Variants in SLC29A3 observed in about 807,000 individuals in gnomAD.
SLC29A3 encodes solute carrier family 29 member 3, also known as equilibrative nucleoside transporter 3.
In SLC29A3, 18 loss-of-function variants were observed where a neutral mutation model predicts 25.4. That is an observed-to-expected ratio of 0.71 (90% confidence interval 0.49 to 1.05). The LOEUF is 1.05. SLC29A3 is among the 50% of genes least tolerant of loss of function. The pLI is 0.00. For synonymous variants in SLC29A3, 258 were observed against 267.1 expected, an observed-to-expected ratio of 0.97 and a Z score of 0.33; for missense variants, 586 against 609.0, an observed-to-expected ratio of 0.96 and a Z score of 0.40.
chr10:71,356,351 C>A, intron 5 of SLC29A3, 108 bp downstream of exon 5: 1 of 1,378,422 alleles, frequency 7.3e-7, no homozygotes, highest in Non-Finnish European at 9.9e-7. Flanking sequence ...GGTGCTATGG[C>A]TCAAAGCAGT....
chr10:71,328,585 G>C (rs991983421), intron 2 of SLC29A3, among the ~76,000 whole-genome samples: 4 of 152,136 alleles, frequency 2.6e-5, no homozygotes, highest in African/African-American at 9.7e-5. Flanking sequence ...CTATGCCCCT[G>C]GTACACCTGG....
Position 71,338,120 on chromosome 10 carries a change from A to G in SLC29A3, c.301-6089A>G, listed in dbSNP as rs1481884447. Among the ~76,000 whole-genome samples, 5 of 152,254 alleles carry G rather than the reference A, an allele frequency of 3.3e-5. No individual in the cohort carries two copies. In the East Asian group the frequency reaches 9.7e-4, roughly 29 times the overall value. On this transcript the variant is annotated intron_variant, in intron 2 of 5. Transcript: ENST00000373189. Reference sequence around the variant, plus strand: ...TCCACAGTCTGGGTGAGGAACCCCCATGCCCACCCTGGGCCAGTCTGGGTG... The same window carrying G: ...TCCACAGTCTGGGTGAGGAACCCCCGTGCCCACCCTGGGCCAGTCTGGGTG...
intron 4 of SLC29A3, among the ~76,000 whole-genome samples, chr10:71,376,446 A>G (rs971433600): frequency 6.6e-6 from 1 of 152,170 alleles, no homozygotes; most frequent in Non-Finnish European, 1.5e-5. Context: ...CTCATTCATT[A>G]TACCCATTCT....
intron 2 of SLC29A3, among the ~76,000 whole-genome samples, chr10:71,326,867 C>T (rs1030237904): frequency 2.6e-5 from 4 of 152,204 alleles, no homozygotes; most frequent in East Asian, 3.9e-4. Flanking sequence ...TGTCACCCCT[C>T]GATTCATGGG....
rs116891619 is a variant in SLC29A3, at chr10:71,354,797, A to C, written c.611-1284A>C. Among the ~76,000 whole-genome samples, 385 of 152,332 alleles carry C rather than the reference A, an allele frequency of 2.5e-3. 9 individuals carry two copies. The East Asian group carries it at 0.049, about 19-fold the overall frequency. ...TGGTGATGGTGTTGGCCTTGTTGTC[A>C]GTGCTTTTCCACTCATCGTCCTGTT... On this transcript the variant is annotated intron_variant, in intron 4 of 5. Coordinates refer to ENST00000373189, the MANE Select transcript of SLC29A3 (RefSeq NM_018344.6).
intron 2 of SLC29A3, among the ~76,000 whole-genome samples, chr10:71,342,096 G>C (rs1846424230): frequency 6.6e-6 from 1 of 152,160 alleles, no homozygotes; most frequent in African/African-American, 2.4e-5. Context: ...CTCAGGGGAG[G>C]GCATCGCACA....
chr10:71,330,452 G>C (rs534274096), intron 2 of SLC29A3, among the ~76,000 whole-genome samples: 8 of 152,340 alleles, frequency 5.3e-5, no homozygotes, highest in African/African-American at 1.9e-4. Flanking sequence ...TTTGGTAAAG[G>C]CTCCACAGCT....
intron 5 of SLC29A3, among the ~76,000 whole-genome samples, chr10:71,357,751 C>G (rs1191700035): frequency 1.3e-5 from 2 of 152,176 alleles, no homozygotes; most frequent in African/African-American, 4.8e-5. Context: ...TTCTTGCTGC[C>G]TGCTGCTTTT....
At chr10:71,377,517 C>T (rs1847262239) in intron 4 of SLC29A3, among the ~76,000 whole-genome samples, 1 of 152,210 alleles carries the variant, frequency 6.6e-6, no homozygotes, top group Non-Finnish European at 1.5e-5. Flanking sequence ...AGGCCGGGAG[C>T]CGGGCCGCAC....
At chr10:71,372,106 CT>C (rs1368913520) in intron 3 of SLC29A3, among the ~76,000 whole-genome samples, 1 of 152,150 alleles carries the variant, frequency 6.6e-6, no homozygotes, top group African/African-American at 2.4e-5. Context: ...CAAGAGGTGG[CT>C]TTAGGCGTGA....
chr10:71,366,730 T>G (rs1847173540), downstream of SLC29A3, among the ~76,000 whole-genome samples: 3 of 152,310 alleles, frequency 2.0e-5, no homozygotes, highest in South Asian at 6.2e-4. Context: ...AGTGTCACGC[T>G]TTTATAGAGA....
chr10:71,373,745 G>A (rs76060604), intron 3 of SLC29A3, among the ~76,000 whole-genome samples: 2,428 of 152,304 alleles, frequency 0.016, 38 homozygotes, highest in African/African-American at 0.046. Context: ...CTCTGGGTAC[G>A]TGGGACACTT....
rs369559464 is a variant in SLC29A3 at position 71,351,583 on chromosome 10, C to T, written c.405C>T (p.Val135=). The change falls in exon 4 of 6, where the codon GTC becomes GTT. Residue 135 remains valine (V), a synonymous_variant. Coordinates refer to ENST00000373189, the MANE Select transcript of SLC29A3 (RefSeq NM_018344.6). ...LVNRVAVHIR[V]LASLTVILAI... is the part of the protein sequence containing the mutation. The stretch of plus-strand genomic sequence containing the variant: ...CCAGGGTTGCAGTCCACATCCGTGT[C>T]CTGGCCTCACTGACGGTCATCCTGG... 5 of 1,614,268 alleles carry T rather than the reference C, an allele frequency of 3.1e-6. No individual in the cohort carries two copies. Among genetic ancestry groups the T allele is most frequent in the Non-Finnish European group, 3.4e-6 (4 of 1,180,052 alleles).
intron 3 of SLC29A3, among the ~76,000 whole-genome samples, chr10:71,346,591 G>A (rs1257404785): frequency 6.6e-6 from 1 of 152,192 alleles, no homozygotes; most frequent in Non-Finnish European, 1.5e-5. Flanking sequence ...TGTAGTCCCA[G>A]CTACTCAGTA....
At chr10:71,325,149 G>T (rs1323683972) in intron 2 of SLC29A3, among the ~76,000 whole-genome samples, 1 of 152,180 alleles carries the variant, frequency 6.6e-6, no homozygotes, top group African/African-American at 2.4e-5. Context: ...TGGCCCAGGA[G>T]GTGGCTCATC....
At chr10:71,333,066 C>T (rs1258478782) in intron 2 of SLC29A3, among the ~76,000 whole-genome samples, 1 of 152,220 alleles carries the variant, frequency 6.6e-6, no homozygotes, top group Non-Finnish European at 1.5e-5. Context: ...TAGAAGATGG[C>T]CTGGACCTTA....
At chr10:71,351,496 C>T (rs1169465986) in intron 3 of SLC29A3, 66 bp from the exon 4 acceptor site, 3 of 1,469,620 alleles carry the variant, frequency 2.0e-6, no homozygotes, top group Non-Finnish European at 1.9e-6. Context: ...TAAGGTGGCT[C>T]ACCAGCCCCA....
intron 3 of SLC29A3, among the ~76,000 whole-genome samples, chr10:71,371,385 G>A (rs1293575470): frequency 6.6e-6 from 1 of 152,166 alleles, no homozygotes; most frequent in African/African-American, 2.4e-5. Flanking sequence ...CCTTCTAAGA[G>A]TCTTATGTGG....
intron 4 of SLC29A3, among the ~76,000 whole-genome samples, chr10:71,379,099 C>G (rs60820442): frequency 6.6e-6 from 1 of 152,152 alleles, no homozygotes; most frequent in East Asian, 1.9e-4. Context: ...TGCCCCCCAA[C>G]GGGGAAACTA....
Sources: gnomAD v4.1 joint callset for allele counts (sites outside exome capture counted in the v4.1 genomes callset) on GRCh38, gnomAD v4.1.1 for gene constraint, MANE v1.5 for transcripts, NCBI Gene and HGNC (gene_info 2026-07-23, HGNC 2026-07-21) for gene names.